Variants in RHCE observed in about 807,000 individuals in gnomAD.
RHCE encodes Rh blood group CcEe antigens.
Under a neutral mutation model 43.8 loss-of-function variants are expected in RHCE, and 22 were observed. The ratio of observed to expected loss-of-function variants is 0.50; its 90% CI spans 0.36 to 0.72. RHCE has a LOEUF of 0.72. Among genes scored for constraint, RHCE ranks in the 30% least tolerant of loss-of-function variants. The pLI is 0.00. For missense variants in RHCE, 385 were observed against 525.4 expected, an observed-to-expected ratio of 0.73 and a Z score of 2.61; for synonymous variants, 156 against 210.7, an observed-to-expected ratio of 0.74 and a Z score of 2.25.
chr1:25,418,372 G>A (rs1192386085), intron 1 of RHCE, among the ~76,000 whole-genome samples: 1 of 150,258 alleles, frequency 6.7e-6, no homozygotes, highest in Non-Finnish European at 1.5e-5. Flanking sequence ...GTTTTTGTTT[G>A]GTTTTTTGAG....
At position 25,392,019 on chromosome 1, in the gene RHCE, C is replaced by T. The variant is rs143372707; in HGVS notation, c.609G>A (p.Thr203=). The change falls in exon 4 of 10, where the codon ACG becomes ACA. Residue 203 remains threonine, a synonymous_variant. Coordinates refer to ENST00000294413, the MANE Select transcript of RHCE (RefSeq NM_020485.8). ...KGTEDNDQRA[T]IPSLSAMLGA... is the part of the protein sequence containing the mutation. ...CCAGCATGGCAGACAAACTGGGTAT[C>T]GTTGCTCTCTGATCATTATCCTCCG... 5.0e-5 allele frequency: 80 copies of T among 1,614,128 alleles called. 2 individuals are homozygous for T. The African/African-American group carries it at 6.1e-4, about 12-fold the overall frequency.
chr1:25,373,789 G>A lies in RHCE; in HGVS notation c.1153+1560C>T, dbSNP rs1047296277. ...TATGGGTGTCTAACCAATAAAAGAT[G>A]TTTGCTTGTAGAATAACAAGTTCTG... On this transcript the variant is annotated intron_variant, in intron 8 of 9. Coordinates refer to ENST00000294413, the MANE Select transcript of RHCE (RefSeq NM_020485.8). Among the ~76,000 whole-genome samples the A allele has an allele frequency of 1.3e-4, 19 of 150,770 alleles. 1 individual carries two copies. Among genetic ancestry groups the A allele is most frequent in the African/African-American group, 4.2e-4 (17 of 40,666 alleles).
chr1:25,384,683 G>T (rs2124389862), intron 7 of RHCE, among the ~76,000 whole-genome samples: 1 of 152,276 alleles, frequency 6.6e-6, no homozygotes, highest in Non-Finnish European at 1.5e-5. Flanking sequence ...AGGCATCCAA[G>T]AACCGGAAGG....
chr1:25,421,085 C>G, upstream of RHCE: 2 of 411,514 alleles, frequency 4.9e-6, no homozygotes, highest in Admixed American at 7.1e-5. Flanking sequence ...CCTTTGACAC[C>G]CAAACATAAT....
At position 25,370,555 on chromosome 1, in the gene RHCE, A is replaced by C; in HGVS notation, c.1154-15T>G. The C allele has an allele frequency of 3.8e-6, 6 of 1,587,612 alleles. No individual in the cohort carries two copies. The highest frequency in any genetic ancestry group is 5.2e-6 in the Non-Finnish European group (6 of 1,157,344). ...TAGGAGCAAACCTGTTTAAATGCAT[A>C]ATTTAATGTTAAAAGATTTGGAGCA... is the stretch of plus-strand genomic sequence containing the variant. On this transcript the variant is annotated splice_polypyrimidine_tract_variant and intron_variant, in intron 8 of 9. Transcript: ENST00000294413.
chr1:25,412,746 C>CA (rs1647132690), intron 1 of RHCE, among the ~76,000 whole-genome samples: 1 of 145,654 alleles, frequency 6.9e-6, no homozygotes, highest in Admixed American at 6.9e-5. Flanking sequence ...AAAAAAAGGC[C>CA]GGGCACAGTG....
chr1:25,390,625 G>A (rs913604930), intron 5 of RHCE, 124 bp downstream of exon 5: 3 of 1,157,652 alleles, frequency 2.6e-6, no homozygotes, highest in Non-Finnish European at 3.8e-6. Flanking sequence ...GTAGAGGCAG[G>A]CACAGCTCCA....
Position 25,392,247 on chromosome 1 carries a change from T to A in RHCE, c.487-106A>T, listed in dbSNP as rs1646395478. On this transcript the variant is annotated intron_variant, in intron 3 of 9. Transcript: ENST00000294413. Reference sequence around the variant, plus strand: ...CAGAGCTTCACTTAGGAGGTGTGACTTGAAGCCACGAGACTGGTGTTCAGA... The same window carrying A: ...CAGAGCTTCACTTAGGAGGTGTGACATGAAGCCACGAGACTGGTGTTCAGA... 3.8e-6 allele frequency: 6 copies of A among 1,584,976 alleles called. No homozygotes were observed. The African/African-American group carries it at 8.1e-5, about 21-fold the overall frequency.
At chr1:25,384,009 G>C (rs867739571) in intron 7 of RHCE, among the ~76,000 whole-genome samples, 21 of 151,928 alleles carry the variant, frequency 1.4e-4, no homozygotes, top group Admixed American at 3.9e-4. Context: ...TCTAAAACTT[G>C]AGCTTGCAAG....
At chr1:25,402,004 G>A (rs933990891) in intron 3 of RHCE, among the ~76,000 whole-genome samples, 11 of 152,102 alleles carry the variant, frequency 7.2e-5, no homozygotes, top group African/African-American at 2.7e-4. Context: ...AGCCTCCTGA[G>A]TAGCTGGGAT....
At chr1:25,429,804 A>C (rs962245148) in intron 1 of RHCE, 2 of 152,156 alleles carry the variant, frequency 1.3e-5, no homozygotes, top group African/African-American at 4.8e-5. Context: ...CATTTTCCCC[A>C]GTTTTCTCTA....
At chr1:25,377,254 C>CT (rs1003812129) in intron 7 of RHCE, among the ~76,000 whole-genome samples, 108 of 148,820 alleles carry the variant, frequency 7.3e-4, no homozygotes, top group Middle Eastern at 6.8e-3. Flanking sequence ...TTGCAAATTT[C>CT]TTTTTTTTTT....
chr1:25,389,152 G>A, intron 5 of RHCE, 39 bp from the exon 6 acceptor site: 1 of 1,601,764 alleles, frequency 6.2e-7, no homozygotes, highest in Non-Finnish European at 8.5e-7. Context: ...AAGCAAGGTA[G>A]AGAGAGAACA....
intron 2 of RHCE, 33 bp from the exon 3 acceptor site, chr1:25,402,779 GA>G: frequency 1.2e-6 from 2 of 1,613,418 alleles, no homozygotes; most frequent in Non-Finnish European, 1.7e-6. Context: ...GGATGACTGA[GA>G]AGGAAGGATG....
At chr1:25,393,734 G>A (rs1049818006) in intron 3 of RHCE, among the ~76,000 whole-genome samples, 1 of 151,944 alleles carries the variant, frequency 6.6e-6, no homozygotes, top group Non-Finnish European at 1.5e-5. Context: ...CGACCCTGCA[G>A]GATCCACTCT....
At chr1:25,422,192 G>A (rs192137588), upstream of RHCE, among the ~76,000 whole-genome samples, 1 of 152,318 alleles carries the variant, frequency 6.6e-6, no homozygotes, top group East Asian at 1.9e-4. Context: ...GGAAAAAACT[G>A]AGACTAACCT....
chr1:25,413,860 G>C (rs1307254802), intron 1 of RHCE, among the ~76,000 whole-genome samples: 3 of 151,492 alleles, frequency 2.0e-5, no homozygotes, highest in African/African-American at 7.3e-5. Flanking sequence ...ACCTACCTAG[G>C]TTTAACCATT....
intron 7 of RHCE, among the ~76,000 whole-genome samples, chr1:25,377,823 T>C (rs1250338921): frequency 6.6e-6 from 1 of 152,210 alleles, no homozygotes; most frequent in South Asian, 2.1e-4. Flanking sequence ...GAGAATTGCT[T>C]GAACCTGGGA....
At chr1:25,400,310 C>T (rs928648029) in intron 3 of RHCE, among the ~76,000 whole-genome samples, 13 of 152,216 alleles carry the variant, frequency 8.5e-5, no homozygotes, top group African/African-American at 2.9e-4. Flanking sequence ...ATGCCAAGGT[C>T]TCCTTGTCAA....
Sources: allele counts gnomAD v4.1 joint callset (sites outside exome capture counted in the v4.1 genomes callset), GRCh38; gene constraint gnomAD v4.1.1; transcripts MANE v1.5; gene names NCBI Gene and HGNC (gene_info 2026-07-23, HGNC 2026-07-21).